Variants in FRMPD4 observed in about 807,000 individuals in gnomAD.
FRMPD4 encodes FERM and PDZ domain containing 4.
A neutral mutation model predicts 94.1 loss-of-function variants in FRMPD4; 22 were observed. That is an observed-to-expected ratio of 0.23 (90% CI 0.17 to 0.33). The LOEUF (loss-of-function observed/expected upper bound fraction) is 0.33. Ranked by LOEUF, FRMPD4 falls within the 10% of genes least tolerant of loss-of-function variation. FRMPD4 has a pLI of 1.00. For synonymous variants in FRMPD4, 631 were observed against 548.6 expected (o/e 1.15, Z -2.10); for missense variants, 1,111 against 1,339.9 (o/e 0.83, Z 2.67).
chrX:12,188,459 T>C (rs761162751), intron 1 of FRMPD4, among the ~76,000 whole-genome samples: 8 of 111,974 alleles, frequency 7.1e-5, no homozygotes, highest in Non-Finnish European at 1.5e-4. Flanking sequence ...ATTGTTGTTA[T>C]TGTGTATGTT....
rs1185119284 is a variant in FRMPD4, at chrX:12,300,192, G to A, written c.41+161180G>A. ...TTGGATTCTCTGACACTGGCCCAGA[G>A]GGGCTAATGAAGATTTCAATGTGGG... On this transcript the variant is annotated intron_variant, in intron 1 of 16. Coordinates refer to ENST00000675598, the MANE Select transcript of FRMPD4 (RefSeq NM_001368397.1). Among the ~76,000 whole-genome samples the A allele has an allele frequency of 1.4e-4, 16 of 111,658 alleles. No homozygotes were observed. In the Admixed American group the frequency reaches 1.5e-3, roughly 11 times the overall value.
intron 1 of FRMPD4, among the ~76,000 whole-genome samples, chrX:12,483,472 T>C (rs2057709606): frequency 8.9e-6 from 1 of 112,328 alleles, no homozygotes; most frequent in Non-Finnish European, 1.9e-5. Context: ...ATTTAGCCTG[T>C]ATGTATCATT....
intron 1 of FRMPD4, among the ~76,000 whole-genome samples, chrX:11,857,360 A>G (rs2147294942): frequency 8.9e-6 from 1 of 111,754 alleles, no homozygotes; most frequent in Non-Finnish European, 1.9e-5. Context: ...AAAGAAAAAA[A>G]AGAACTATAG....
At chrX:12,182,046 G>T (rs2056365496) in intron 1 of FRMPD4, among the ~76,000 whole-genome samples, 1 of 111,511 alleles carries the variant, frequency 9.0e-6, no homozygotes, top group South Asian at 3.8e-4. Context: ...CTTTGCCCAG[G>T]CCTGAGTGAT....
rs190181025 is a variant in FRMPD4 at position 12,179,027 on chromosome X, G to C, written c.41+40015G>C. 2.7e-5 allele frequency among the ~76,000 whole-genome samples: 3 copies of C among 111,989 alleles called. No individual in the cohort carries two copies. The East Asian group carries it at 8.5e-4, about 32-fold the overall frequency. ...CTATTTGAATGCTGGTTTTGCTTGA[G>C]CTCACTCATCTGTCTGCATTCATCT... is the stretch of plus-strand genomic sequence containing the variant. On this transcript the variant is annotated intron_variant, in intron 1 of 16. Coordinates refer to ENST00000675598, the MANE Select transcript of FRMPD4 (RefSeq NM_001368397.1).
intron 3 of FRMPD4, among the ~76,000 whole-genome samples, chrX:11,886,709 A>T (rs2053847207): frequency 9.1e-6 from 1 of 109,550 alleles, no homozygotes; most frequent in South Asian, 4.1e-4. Context: ...TTCTATACAC[A>T]TAAAGTCAGC....
intron 1 of FRMPD4, among the ~76,000 whole-genome samples, chrX:12,153,058 C>T (rs1194890287): frequency 9.2e-6 from 1 of 109,237 alleles, no homozygotes; most frequent in Non-Finnish European, 1.9e-5. Context: ...CTCAGCCTCC[C>T]GAGTAGATGG....
intron 3 of FRMPD4, among the ~76,000 whole-genome samples, chrX:12,038,620 C>A (rs990774389): frequency 3.6e-5 from 4 of 111,795 alleles, no homozygotes; most frequent in Non-Finnish European, 7.5e-5. Flanking sequence ...CAAAAATATT[C>A]TCCTATGTTC....
intron 2 of FRMPD4, among the ~76,000 whole-genome samples, chrX:12,589,136 T>G (rs2148391053): frequency 8.9e-6 from 1 of 112,604 alleles, no homozygotes; most frequent in South Asian, 3.6e-4. Context: ...GGCATTTTAG[T>G]GTCACTAATA....
chrX:11,833,316 G>A (rs7064070), intron 1 of FRMPD4, among the ~76,000 whole-genome samples: 14,421 of 111,678 alleles, frequency 0.13, 1,129 homozygotes, highest in African/African-American at 0.28. Flanking sequence ...CTGTGTGCAG[G>A]TTTTGTGTGG....
chrX:12,674,079 A>G (rs1374249794), intron 4 of FRMPD4, among the ~76,000 whole-genome samples: 1 of 112,764 alleles, frequency 8.9e-6, no homozygotes, highest in African/African-American at 3.2e-5. Context: ...ATGATTTAAA[A>G]AAGAACAAAG....
At chrX:12,685,400 A>T (rs767204278) in intron 6 of FRMPD4, among the ~76,000 whole-genome samples, 2 of 111,780 alleles carry the variant, frequency 1.8e-5, no homozygotes, top group Non-Finnish European at 3.8e-5. Flanking sequence ...ATGAAAGAAA[A>T]AATGCAAAGA....
chrX:12,581,565 C>A lies in FRMPD4; in HGVS notation c.159-28156C>A, dbSNP rs750875253. Among the ~76,000 whole-genome samples the A allele has an allele frequency of 3.6e-5, 4 of 112,183 alleles. No homozygotes were observed. The South Asian group carries it at 1.5e-3, about 42-fold the overall frequency. On this transcript the variant is annotated intron_variant, in intron 2 of 16. Transcript: ENST00000675598. ...CTAATGGCCAAGAATCATTTATAATCTGTTTATTAATTTTAAGCAAATAAA... is the reference window on the plus strand; with the variant it reads ...CTAATGGCCAAGAATCATTTATAATATGTTTATTAATTTTAAGCAAATAAA...
At chrX:12,188,307 C>T (rs1297974944) in intron 1 of FRMPD4, among the ~76,000 whole-genome samples, 1 of 112,009 alleles carries the variant, frequency 8.9e-6, no homozygotes, top group Non-Finnish European at 1.9e-5. Context: ...GGTGTATTTT[C>T]CCTCTTGCAC....
At chrX:12,626,065 C>T (rs750388516) in intron 4 of FRMPD4, among the ~76,000 whole-genome samples, 4 of 111,773 alleles carry the variant, frequency 3.6e-5, no homozygotes, top group Non-Finnish European at 5.6e-5. Flanking sequence ...GTGACTCACA[C>T]CTGTAATCCT....
chrX:12,424,877 T>C (rs2056927357), intron 1 of FRMPD4, among the ~76,000 whole-genome samples: 1 of 112,954 alleles, frequency 8.9e-6, no homozygotes. Context: ...CAGAATCTTG[T>C]GTACTGGGGC....
At chrX:12,312,133 G>T (rs1277325094) in intron 1 of FRMPD4, among the ~76,000 whole-genome samples, 1 of 108,607 alleles carries the variant, frequency 9.2e-6, no homozygotes, top group African/African-American at 3.4e-5. Flanking sequence ...TCTTTCTTCA[G>T]CTCTGCTTGA....
intron 6 of FRMPD4, 62 bp downstream of exon 6, chrX:12,683,649 TCAAAA>T: frequency 1.7e-6 from 1 of 591,790 alleles, no homozygotes; most frequent in South Asian, 2.8e-5. Flanking sequence ...AGCTTTGCAC[TCAAAA>T]CAAAGTCAGT....
At chrX:12,706,272 T>C (rs2147147406) in intron 11 of FRMPD4, among the ~76,000 whole-genome samples, 1 of 112,158 alleles carries the variant, frequency 8.9e-6, no homozygotes. Flanking sequence ...TCCACAATGA[T>C]TGGCTCTCAG....
Sources: allele counts gnomAD v4.1 joint callset (sites outside exome capture counted in the v4.1 genomes callset), GRCh38; gene constraint gnomAD v4.1.1; transcripts MANE v1.5; gene names NCBI Gene and HGNC (gene_info 2026-07-23, HGNC 2026-07-21).